The following ZNF577 variants were observed in gnomAD, a reference collection of about 807,000 sequenced individuals.
ZNF577 encodes zinc finger protein 577.
In ZNF577, 14 loss-of-function variants were observed where a neutral mutation model predicts 13.9. The observed-to-expected ratio is 1.00, with a 90% CI of 0.66 to 1.57. The LOEUF is 1.57. ZNF577 is among the 40% of genes most tolerant of loss of function. ZNF577 has a pLI of 0.00. For synonymous variants in ZNF577, 203 were observed against 202.9 expected, an observed-to-expected ratio of 1.00 and a Z score of 0.00; for missense variants, 555 against 579.2, an observed-to-expected ratio of 0.96 and a Z score of 0.43.
rs2084121527 is a variant in ZNF577 at position 51,814,677 on chromosome 19, A to G, written c.*600-3003T>C. Reference sequence around the variant, plus strand: ...CTGGGCTAATTTTTGTATTTTTAGTAAAGATGGGTTTTCGCCATGTTGGCC... The same window carrying G: ...CTGGGCTAATTTTTGTATTTTTAGTGAAGATGGGTTTTCGCCATGTTGGCC... On this transcript the variant is annotated intron_variant and NMD_transcript_variant, in intron 9 of 10. Transcript: ENST00000638827. 2.0e-5 allele frequency among the ~76,000 whole-genome samples: 3 copies of G among 152,074 alleles called. No individual in the cohort carries two copies. In the South Asian group the frequency reaches 6.2e-4, roughly 32 times the overall value.
intron 5 of ZNF577, among the ~76,000 whole-genome samples, chr19:51,857,751 T>C (rs73934689): frequency 6.6e-6 from 1 of 152,084 alleles, no homozygotes; most frequent in Admixed American, 6.5e-5. Context: ...GATACATATA[T>C]ATCTGTACAC....
chr19:51,872,644 G>C lies in ZNF577; in HGVS notation c.1346C>G (p.Ala449Gly), dbSNP rs1409715754. Residue 449 changes from alanine (A) to glycine (G), a missense_variant, in exon 6 of 6, where the codon GCC becomes GGC. By Grantham distance (60) the Ala-to-Gly change is moderately conservative. Transcript: ENST00000638348. ...TTCAAATTCCTGATTAACTACAAAG[G>C]CTTGATTTCTTGGAAAAGGTTGTTC... ...IVEQPFPRNQ[A>G]FVVNQEFEQR... is the part of the protein sequence containing the mutation. 1.2e-6 allele frequency: 2 copies of C among 1,614,138 alleles called. No individual in the cohort carries two copies. The highest frequency in any genetic ancestry group is 1.3e-5 in the African/African-American group (1 of 75,050).
rs147446132 is a variant in ZNF577 at position 51,810,616 on chromosome 19, A to G, written c.*817+841T>C. On this transcript the variant is annotated intron_variant and NMD_transcript_variant, in intron 10 of 10. Coordinates refer to the ZNF577 transcript ENST00000638827. ...CGTGTCCAGCAACATGGTTCTGTTT[A>G]GCCTGGTCTGCACACATTTCTTGCC... is the stretch of plus-strand genomic sequence containing the variant. Among the ~76,000 whole-genome samples the G allele has an allele frequency of 7.2e-3, 1,098 of 152,318 alleles. 3 individuals are homozygous for G. The highest frequency in any genetic ancestry group is 9.1e-3 in the South Asian group (44 of 4,826).
At chr19:51,860,329 C>A (rs2084483288) in intron 5 of ZNF577, 1 of 152,234 alleles carries the variant, frequency 6.6e-6, no homozygotes, top group African/African-American at 2.4e-5. Context: ...TTAATGCTAT[C>A]TAATCCTCCA....
chr19:51,880,767 T>C lies in ZNF577; in HGVS notation c.-108A>G, dbSNP rs774710002. On this transcript the variant is annotated 5_prime_UTR_variant, in exon 2 of 6. Coordinates refer to ENST00000638348, the MANE Select transcript of ZNF577 (RefSeq NM_001370449.1). ...TGTCTATTCTGGGCCTTCCCAGAAG[T>C]GGTGGTCAGGTATCATCTCAGGTCA... The C allele has an allele frequency of 2.0e-4, 37 of 188,790 alleles. No individual in the cohort carries two copies. Among genetic ancestry groups the C allele is most frequent in the South Asian group, 9.8e-4 (9 of 9,212 alleles). The allele number at this position is 188,790 out of a possible 1,614,324, so 11.7% of individuals were successfully genotyped here. A position where few individuals can be genotyped will look rare whatever the true frequency, so the allele number is the denominator to read the frequency against.
chr19:51,806,681 C>T (rs1265876991), intron 10 of ZNF577, among the ~76,000 whole-genome samples: 1 of 152,186 alleles, frequency 6.6e-6, no homozygotes, highest in Admixed American at 6.5e-5. Flanking sequence ...ATAAGCAGGT[C>T]CATTGTCAAT....
chr19:51,864,652 G>A (rs1036062200), downstream of ZNF577, among the ~76,000 whole-genome samples: 1 of 152,178 alleles, frequency 6.6e-6, no homozygotes, highest in Non-Finnish European at 1.5e-5. Flanking sequence ...GAGTGAAACG[G>A]TGAAGCAAGG....
chr19:51,824,903 C>A lies in ZNF577; in HGVS notation c.*600-13229G>T, dbSNP rs2084221194. The A allele has an allele frequency of 5.3e-6, 5 of 940,994 alleles. No homozygotes were observed. 58.3% of individuals were successfully genotyped at this position (940,994 alleles called of 1,614,324 possible). A position where few individuals can be genotyped will look rare whatever the true frequency, so the allele number is the denominator to read the frequency against. On this transcript the variant is annotated intron_variant and NMD_transcript_variant, in intron 9 of 10. Coordinates refer to the ZNF577 transcript ENST00000638827. This position sits in a 1 kb window ranked among gnomAD's most constrained non-coding sequence, Gnocchi z 4.7. ...GTGTTTTTCTTCCTCTTTCATACCACCACCACCACAATCATCAACATAAAG... is the reference window on the plus strand; with the variant it reads ...GTGTTTTTCTTCCTCTTTCATACCAACACCACCACAATCATCAACATAAAG...
Position 51,824,718 on chromosome 19 carries a change from G to T in ZNF577, c.*600-13044C>A, listed in dbSNP as rs2122501388. The T allele has an allele frequency of 6.2e-7, 1 of 1,613,998 alleles. No individual in the cohort carries two copies. Among genetic ancestry groups the T allele is most frequent in the East Asian group, 2.2e-5 (1 of 44,862 alleles). The stretch of plus-strand genomic sequence containing the variant: ...CTCTTTGCCCACTAGTTTGGAGAGG[G>T]CCCTGACTGAGGTCCCTGACTCAGC... On this transcript the variant is annotated intron_variant and NMD_transcript_variant, in intron 9 of 10. Transcript: ENST00000638827. This position sits in a 1 kb window ranked among gnomAD's most constrained non-coding sequence, Gnocchi z 4.7.
At chr19:51,826,183 G>A (rs1025410700) in intron 9 of ZNF577, 3 of 152,188 alleles carry the variant, frequency 2.0e-5, no homozygotes, top group Non-Finnish European at 4.4e-5. Flanking sequence ...AACCACGCTT[G>A]CTCATGATGG....
At chr19:51,859,092 A>C (rs149952896) in intron 5 of ZNF577, among the ~76,000 whole-genome samples, 1,611 of 152,300 alleles carry the variant, frequency 0.011, 27 homozygotes, top group African/African-American at 0.034. Flanking sequence ...GAAAGTATAA[A>C]ATGTGGAATT....
intron 5 of ZNF577, among the ~76,000 whole-genome samples, chr19:51,856,186 T>C (rs2084417548): frequency 6.6e-6 from 1 of 152,230 alleles, no homozygotes; most frequent in Non-Finnish European, 1.5e-5. Context: ...TCATGCCTTA[T>C]CACATAATTT....
Position 51,867,265 on chromosome 19 carries a change from G to A in ZNF577, c.*5267C>T, listed in dbSNP as rs776625546. 1.4e-3 allele frequency among the ~76,000 whole-genome samples: 214 copies of A among 152,260 alleles called. No homozygotes were observed. The highest frequency in any genetic ancestry group is 2.4e-3 in the Admixed American group (36 of 15,290). On this transcript the variant is annotated 3_prime_UTR_variant, in exon 6 of 6. Coordinates refer to ENST00000638348, the MANE Select transcript of ZNF577 (RefSeq NM_001370449.1). ...TTGGAAAGAAAGGCAAAAGAAAGAA[G>A]CAAAACCTCACCGGGGCTTTTATCG...
chr19:51,872,333 C>CCAATGAGAAG lies in ZNF577; in HGVS notation c.*198_*199insCTTCTCATTG. On this transcript the variant is annotated 3_prime_UTR_variant, in exon 6 of 6. Transcript: ENST00000638348. ...CTTTTGATACCAATTGAGATATCAT[C>CCAATGAGAAG]TCCAGGTAAAGACTTCCTCATAACA... 2.0e-6 allele frequency: 1 copy of CCAATGAGAAG among 496,048 alleles called. No individual in the cohort carries two copies. Among genetic ancestry groups the CCAATGAGAAG allele is most frequent in the Non-Finnish European group, 3.5e-6 (1 of 282,582 alleles). 30.7% of individuals were successfully genotyped at this position (496,048 alleles called of 1,614,324 possible).
In ZNF577 at chr19:51,868,192, C is replaced by G. The variant is rs901656194; in HGVS notation, c.*4340G>C. On this transcript the variant is annotated 3_prime_UTR_variant, in exon 6 of 6. Transcript: ENST00000638348. ...AGAAGTTCTTTTTAAAAGTTGCTGA[C>G]TTAGTCCTCAAAGCACTGCATTGTA... Among the ~76,000 whole-genome samples the G allele has an allele frequency of 3.9e-5, 6 of 152,188 alleles. No individual in the cohort carries two copies. The highest frequency in any genetic ancestry group is 3.9e-4 in the Admixed American group (6 of 15,276).
At chr19:51,834,927 A>G (rs2084280780) in intron 9 of ZNF577, among the ~76,000 whole-genome samples, 1 of 152,156 alleles carries the variant, frequency 6.6e-6, no homozygotes, top group South Asian at 2.1e-4. Context: ...TCAAGCAATC[A>G]TCCAACCTGA....
At chr19:51,814,011 G>A (rs2084116563) in intron 9 of ZNF577, among the ~76,000 whole-genome samples, 1 of 152,166 alleles carries the variant, frequency 6.6e-6, no homozygotes, top group African/African-American at 2.4e-5. Flanking sequence ...TGAAGCAAAG[G>A]GCTTAAATGA....
intron 5 of ZNF577, among the ~76,000 whole-genome samples, chr19:51,851,128 G>T (rs13382098): frequency 6.6e-6 from 1 of 151,854 alleles, no homozygotes; most frequent in Non-Finnish European, 1.5e-5. Flanking sequence ...ATCTTTATAA[G>T]GTATCAGAAA....
intron 5 of ZNF577, among the ~76,000 whole-genome samples, chr19:51,847,381 G>A (rs1414540812): frequency 6.6e-6 from 1 of 152,062 alleles, no homozygotes; most frequent in Non-Finnish European, 1.5e-5. Flanking sequence ...CTCCACCCAA[G>A]CATCTTGCTG....
Sources: gnomAD v4.1 joint callset for allele counts (sites outside exome capture counted in the v4.1 genomes callset) on GRCh38, gnomAD v4.1.1 for gene constraint, Gnocchi (gnomAD v3.1) non-coding constraint, MANE v1.5 for transcripts, NCBI Gene and HGNC (gene_info 2026-07-23, HGNC 2026-07-21) for gene names.